Variants in RALYL observed in about 807,000 individuals in gnomAD.
RALYL encodes the protein RNA-binding Raly-like protein.
RALYL carries 29 observed loss-of-function variants against 35.1 expected under a neutral mutation model. The observed-to-expected ratio is 0.83, with a 90% CI of 0.61 to 1.13. The LOEUF is 1.13. Ranked by LOEUF, RALYL falls within the 50% of genes most tolerant of loss-of-function variation. The pLI, the probability that RALYL is intolerant of heterozygous loss-of-function variation, is 0.00. For missense variants in RALYL, 359 were observed against 360.4 expected (o/e 1.00, Z 0.03); for synonymous variants, 120 against 127.6 (o/e 0.94, Z 0.40).
intron 6 of RALYL, among the ~76,000 whole-genome samples, chr8:84,866,589 C>G (rs998191789): frequency 6.6e-6 from 1 of 152,072 alleles, no homozygotes; most frequent in East Asian, 1.9e-4. Context: ...TTAGTTTCCT[C>G]ATCTATAAAA....
intron 2 of RALYL, among the ~76,000 whole-genome samples, chr8:84,732,031 G>A (rs2132864101): frequency 6.6e-6 from 1 of 152,176 alleles, no homozygotes; most frequent in African/African-American, 2.4e-5. Context: ...GGTGAAATGT[G>A]ACTTCCTCAG....
intron 1 of RALYL, among the ~76,000 whole-genome samples, chr8:84,438,361 G>A (rs1466267714): frequency 6.7e-6 from 1 of 150,082 alleles, no homozygotes; most frequent in Admixed American, 6.7e-5. Context: ...TGTTTTCTAG[G>A]TTTTCTTCTA....
intron 1 of RALYL, among the ~76,000 whole-genome samples, chr8:84,265,969 G>T (rs117693349): frequency 0.019 from 2,885 of 152,152 alleles, 40 homozygotes; most frequent in Non-Finnish European, 0.027. Flanking sequence ...AAGTACATGA[G>T]CCTCCTTTTA....
Position 84,311,090 on chromosome 8 carries a change from A to ATATAT in RALYL, c.-24+126666_-24+126667insTATAT, listed in dbSNP as rs1481265344. Among the ~76,000 whole-genome samples, 28 of 99,770 alleles carry ATATAT rather than the reference A, an allele frequency of 2.8e-4. 1 individual carries two copies. The highest frequency in any genetic ancestry group is 2.1e-3 in the East Asian group (6 of 2,856). The allele number at this position is 99,770 out of a possible 152,430, so 65.5% of individuals were successfully genotyped here. ...AAAAAAAAAAAAAAAAAAAAAAAAAAATGTATATTAATGTATAGTATAAAT... is the reference window on the plus strand; with the variant it reads ...AAAAAAAAAAAAAAAAAAAAAAAAAATATATATGTATATTAATGTATAGTATAAAT... On this transcript the variant is annotated intron_variant, in intron 1 of 8. Coordinates refer to ENST00000521268, the MANE Select transcript of RALYL (RefSeq NM_173848.7).
chr8:84,268,001 A>G (rs1293629031), intron 1 of RALYL, among the ~76,000 whole-genome samples: 2 of 152,256 alleles, frequency 1.3e-5, no homozygotes, highest in African/African-American at 2.4e-5. Context: ...GTGTTAAAAC[A>G]TTAAACTTGC....
At chr8:84,433,595 A>C (rs1374317129) in intron 1 of RALYL, among the ~76,000 whole-genome samples, 1 of 151,858 alleles carries the variant, frequency 6.6e-6, no homozygotes, top group Admixed American at 6.6e-5. Flanking sequence ...AGGTCTCACG[A>C]GATCTGTTGG....
chr8:84,554,274 C>G (rs1233734550), intron 2 of RALYL, among the ~76,000 whole-genome samples: 1 of 152,180 alleles, frequency 6.6e-6, no homozygotes, highest in Non-Finnish European at 1.5e-5. Context: ...CATTTAAACA[C>G]TGGAGATGTA....
intron 2 of RALYL, among the ~76,000 whole-genome samples, chr8:84,565,202 G>C (rs1452018552): frequency 2.0e-5 from 3 of 151,534 alleles, no homozygotes; most frequent in Non-Finnish European, 4.4e-5. Flanking sequence ...TGACAAAATA[G>C]ATTAATTAGC....
chr8:84,433,209 G>A (rs753255242), intron 1 of RALYL, among the ~76,000 whole-genome samples: 1 of 152,040 alleles, frequency 6.6e-6, no homozygotes, highest in Non-Finnish European at 1.5e-5. Context: ...AGACAAATAT[G>A]TGCCTTTCTT....
chr8:84,894,520 T>A (rs1432430624), intron 8 of RALYL, among the ~76,000 whole-genome samples: 1 of 152,154 alleles, frequency 6.6e-6, no homozygotes, highest in African/African-American at 2.4e-5. Flanking sequence ...AGCAGTACCC[T>A]TATTTGGATG....
intron 5 of RALYL, among the ~76,000 whole-genome samples, chr8:84,860,815 C>G (rs1382960470): frequency 6.6e-6 from 1 of 152,098 alleles, no homozygotes; most frequent in African/African-American, 2.4e-5. Context: ...TTCGAATACC[C>G]TAAGTCTCTA....
chr8:84,832,260 T>A (rs1384510262), intron 4 of RALYL, among the ~76,000 whole-genome samples: 1 of 152,188 alleles, frequency 6.6e-6, no homozygotes, highest in Non-Finnish European at 1.5e-5. Flanking sequence ...AGATAAAATC[T>A]GTAATCTCTT....
intron 4 of RALYL, among the ~76,000 whole-genome samples, chr8:84,847,273 G>A (rs1834863189): frequency 6.6e-6 from 1 of 152,200 alleles, no homozygotes; most frequent in African/African-American, 2.4e-5. Context: ...GAGGTCTGTG[G>A]CGAAAGTGGT....
intron 1 of RALYL, among the ~76,000 whole-genome samples, chr8:84,397,428 C>A (rs1343500724): frequency 6.6e-6 from 1 of 152,010 alleles, no homozygotes; most frequent in Non-Finnish European, 1.5e-5. Flanking sequence ...TAACAAAATG[C>A]CAGGTTTTTT....
At chr8:84,345,293 A>G (rs1849632574) in intron 1 of RALYL, among the ~76,000 whole-genome samples, 1 of 152,028 alleles carries the variant, frequency 6.6e-6, no homozygotes, top group Non-Finnish European at 1.5e-5. Flanking sequence ...GTTACTCAGT[A>G]AGATAGATGC....
At chr8:84,909,340 C>G (rs1383495561) in intron 8 of RALYL, among the ~76,000 whole-genome samples, 2 of 152,100 alleles carry the variant, frequency 1.3e-5, no homozygotes, top group African/African-American at 2.4e-5. Context: ...TATTGCCTTT[C>G]AAAGGATGTA....
chr8:84,395,237 T>A (rs1251880001), intron 1 of RALYL, among the ~76,000 whole-genome samples: 1 of 151,900 alleles, frequency 6.6e-6, no homozygotes, highest in African/African-American at 2.4e-5. Context: ...GCTTAAAGCA[T>A]TTTTTATTTC....
intron 1 of RALYL, among the ~76,000 whole-genome samples, chr8:84,314,812 A>C (rs1407385938): frequency 1.3e-5 from 2 of 152,218 alleles, no homozygotes; most frequent in African/African-American, 4.8e-5. Flanking sequence ...GTATTTTCTT[A>C]AGATATTTAT....
chr8:84,343,653 A>G (rs76686734), intron 1 of RALYL, among the ~76,000 whole-genome samples: 3,610 of 151,884 alleles, frequency 0.024, 61 homozygotes, highest in Non-Finnish European at 0.034. Flanking sequence ...TTTTTAAGAA[A>G]AGGTCTCACT....
Sources: allele counts gnomAD v4.1 joint callset (sites outside exome capture counted in the v4.1 genomes callset), GRCh38; gene constraint gnomAD v4.1.1; transcripts MANE v1.5; gene names NCBI Gene and HGNC (gene_info 2026-07-23, HGNC 2026-07-21).